The following TENM4 variants were observed in gnomAD, a reference collection of about 807,000 sequenced individuals.
TENM4 encodes the protein teneurin-4.
In TENM4, 82 loss-of-function variants were observed where a neutral mutation model predicts 243.3. The ratio of observed to expected loss-of-function variants is 0.34; its 90% CI spans 0.28 to 0.40. TENM4 has a LOEUF of 0.40. TENM4 is among the 10% of genes least tolerant of loss of function. TENM4 has a pLI of 1.00. For missense variants in TENM4, 3,138 were observed against 3,673.3 expected, an observed-to-expected ratio of 0.85 and a Z score of 3.77; for synonymous variants, 1,412 against 1,456.3, an observed-to-expected ratio of 0.97 and a Z score of 0.69.
intron 4 of TENM4, among the ~76,000 whole-genome samples, chr11:79,136,411 T>C (rs999246553): frequency 6.6e-6 from 1 of 152,128 alleles, no homozygotes; most frequent in Non-Finnish European, 1.5e-5. Flanking sequence ...CCATGAACAA[T>C]GTGGCCATGG....
chr11:78,894,867 G>A (rs1400161753), intron 7 of TENM4, among the ~76,000 whole-genome samples: 2 of 151,344 alleles, frequency 1.3e-5, no homozygotes, highest in African/African-American at 4.9e-5. Context: ...GGTGCCACGT[G>A]CCTGTAGTAC....
At chr11:79,057,068 C>T (rs1859963116) in intron 6 of TENM4, among the ~76,000 whole-genome samples, 1 of 152,204 alleles carries the variant, frequency 6.6e-6, no homozygotes, top group South Asian at 2.1e-4. Flanking sequence ...CAACCCTTGC[C>T]CATTCCTCAC....
At chr11:78,727,423 A>G (rs1218743121) in intron 22 of TENM4, among the ~76,000 whole-genome samples, 2 of 149,370 alleles carry the variant, frequency 1.3e-5, no homozygotes, top group African/African-American at 5.1e-5. Flanking sequence ...CGACAGAGCG[A>G]GACTCCGCCT....
intron 2 of TENM4, among the ~76,000 whole-genome samples, chr11:79,223,922 C>T (rs1434558415): frequency 6.6e-6 from 1 of 152,186 alleles, no homozygotes; most frequent in Non-Finnish European, 1.5e-5. Flanking sequence ...AGAATGTCCA[C>T]CCTGATAGGG....
At chr11:78,745,972 A>G (rs961653682) in intron 19 of TENM4, among the ~76,000 whole-genome samples, 2 of 151,976 alleles carry the variant, frequency 1.3e-5, no homozygotes, top group African/African-American at 4.8e-5. Flanking sequence ...TATTTTTTTG[A>G]GACAGGGTCT....
chr11:78,791,906 G>A (rs928577568), intron 15 of TENM4, among the ~76,000 whole-genome samples: 1 of 152,132 alleles, frequency 6.6e-6, no homozygotes, highest in Non-Finnish European at 1.5e-5. Context: ...TAATGGAGGA[G>A]GGCTGGGGTC....
At chr11:79,409,137 C>T (rs1278575734) in intron 1 of TENM4, among the ~76,000 whole-genome samples, 2 of 144,844 alleles carry the variant, frequency 1.4e-5, no homozygotes, top group Non-Finnish European at 3.0e-5. Context: ...CACGCACATG[C>T]GTGAGAGTTA....
intron 4 of TENM4, among the ~76,000 whole-genome samples, chr11:79,099,580 A>G (rs1861170074): frequency 6.6e-6 from 1 of 152,202 alleles, no homozygotes; most frequent in African/African-American, 2.4e-5. Flanking sequence ...TTTGACCTTG[A>G]ATACTCCCCC....
chr11:79,007,683 A>C (rs1188179032), intron 6 of TENM4, among the ~76,000 whole-genome samples: 1 of 151,920 alleles, frequency 6.6e-6, no homozygotes, highest in Non-Finnish European at 1.5e-5. Flanking sequence ...GGAAAAGAGC[A>C]CTCCAGCCAA....
intron 12 of TENM4, among the ~76,000 whole-genome samples, chr11:78,851,017 C>T (rs1858525318): frequency 6.6e-6 from 1 of 152,190 alleles, no homozygotes. Context: ...CCTACTGAGT[C>T]ATATTTTCTG....
intron 9 of TENM4, among the ~76,000 whole-genome samples, chr11:78,882,076 C>T (rs548679343): frequency 6.6e-6 from 1 of 152,196 alleles, no homozygotes; most frequent in Non-Finnish European, 1.5e-5. Context: ...AAAGTTAAAT[C>T]TATGGCTCCT....
At chr11:78,701,477 A>T (rs1335160060) in intron 28 of TENM4, 49 bp downstream of exon 28, 1 of 1,513,372 alleles carries the variant, frequency 6.6e-7, no homozygotes, top group Admixed American at 2.2e-5. Context: ...CCAATCCTAC[A>T]ATGAATTAAT....
chr11:79,100,802 G>A (rs1216582809), intron 4 of TENM4, among the ~76,000 whole-genome samples: 2 of 152,148 alleles, frequency 1.3e-5, no homozygotes, highest in Non-Finnish European at 2.9e-5. Context: ...CTCCCAATGT[G>A]TTTTCAAGTG....
At chr11:78,906,392 TC>T (rs1247255470) in intron 6 of TENM4, among the ~76,000 whole-genome samples, 7 of 152,112 alleles carry the variant, frequency 4.6e-5, no homozygotes, top group African/African-American at 1.7e-4. Context: ...AGGAAAAAGG[TC>T]CTCAGTGAAG....
At chr11:78,799,485 T>C (rs1158077544) in intron 15 of TENM4, among the ~76,000 whole-genome samples, 1 of 152,248 alleles carries the variant, frequency 6.6e-6, no homozygotes, top group African/African-American at 2.4e-5. Flanking sequence ...TTAAATCTAA[T>C]CATGCATTCT....
At position 78,939,040 on chromosome 11, in the gene TENM4, C is replaced by T. The variant is rs868069340; in HGVS notation, c.494-35517G>A. 3.9e-5 allele frequency among the ~76,000 whole-genome samples: 6 copies of T among 152,340 alleles called. No homozygotes were observed. The South Asian group carries it at 8.3e-4, about 21-fold the overall frequency. On this transcript the variant is annotated intron_variant, in intron 6 of 33. Transcript: ENST00000278550. ...TAGTAAACACATTTCTGTGCACATACAGCTCCCATCTGGGGGCTTGATTCC... is the reference window on the plus strand; with the variant it reads ...TAGTAAACACATTTCTGTGCACATATAGCTCCCATCTGGGGGCTTGATTCC...
chr11:79,392,496 C>T (rs1050558991), intron 1 of TENM4, among the ~76,000 whole-genome samples: 1 of 152,210 alleles, frequency 6.6e-6, no homozygotes, highest in Non-Finnish European at 1.5e-5. Flanking sequence ...GGAGAATATA[C>T]ACCCACATGT....
At chr11:79,050,536 G>A (rs1859766953) in intron 6 of TENM4, among the ~76,000 whole-genome samples, 1 of 152,194 alleles carries the variant, frequency 6.6e-6, no homozygotes, top group Non-Finnish European at 1.5e-5. Flanking sequence ...TCACACCCAT[G>A]AGGGCTCTTC....
intron 9 of TENM4, among the ~76,000 whole-genome samples, chr11:78,879,254 C>T (rs1029982441): frequency 9.3e-5 from 13 of 139,286 alleles, no homozygotes; most frequent in Admixed American, 2.2e-4. Context: ...AGGTGAGGAG[C>T]GCCTCTGCCT....
Sources: gnomAD v4.1 joint callset for allele counts (sites outside exome capture counted in the v4.1 genomes callset) on GRCh38, gnomAD v4.1.1 for gene constraint, MANE v1.5 for transcripts, NCBI Gene and HGNC (gene_info 2026-07-23, HGNC 2026-07-21) for gene names.